ZAP70: variants seen among roughly 807,000 people sequenced by gnomAD.
ZAP70 encodes tyrosine-protein kinase ZAP-70.
In ZAP70, 27 loss-of-function variants were observed where a neutral mutation model predicts 65.8. The ratio of observed to expected loss-of-function variants is 0.41; its 90% confidence interval spans 0.30 to 0.57. The LOEUF is 0.57. Among genes scored for constraint, ZAP70 ranks in the 20% least tolerant of loss-of-function variants. The pLI, the probability that ZAP70 is intolerant of heterozygous loss-of-function variation, is 0.28. For missense variants in ZAP70, 696 were observed against 870.5 expected, an observed-to-expected ratio of 0.80 and a Z score of 2.52; for synonymous variants, 363 against 360.8, an observed-to-expected ratio of 1.01 and a Z score of -0.07.
Position 97,731,816 on chromosome 2 carries a change from G to A in ZAP70, c.564-1067G>A, listed in dbSNP as rs192093647. Among the ~76,000 whole-genome samples the A allele has an allele frequency of 1.5e-3, 235 of 152,326 alleles. 1 individual carries two copies. Among genetic ancestry groups the A allele is most frequent in the African/African-American group, 5.3e-3 (222 of 41,564 alleles). On this transcript the variant is annotated intron_variant, in intron 4 of 13. Transcript: ENST00000264972. The surrounding 1 kb of genome is among the most constrained non-coding windows in gnomAD (Gnocchi z 4.0). Reference sequence around the variant, plus strand: ...ATTTGCACCTTGGAGGGTGCAGCTCGCAGGCCATCACAAGGGCTCTTCTGT... The same window carrying A: ...ATTTGCACCTTGGAGGGTGCAGCTCACAGGCCATCACAAGGGCTCTTCTGT...
chr2:97,724,154 C>A lies in ZAP70; in HGVS notation c.118C>A (p.Leu40Met). ...CGGGCTCTTCCTGCTGCGCCAGTGC[C>A]TGCGCTCGCTGGGCGGCTATGTGCT... ...ADGLFLLRQCLRSLGGYVLSL... is the reference protein window; with the variant it reads ...ADGLFLLRQCMRSLGGYVLSL... The change falls in exon 3 of 14, where the codon CTG becomes ATG. Residue 40 changes from leucine to methionine, a missense_variant. Physicochemically the swap from Leu to Met is conservative, Grantham distance 15. Transcript: ENST00000264972. 1 of 1,579,014 alleles carries A rather than the reference C, an allele frequency of 6.3e-7. No individual in the cohort carries two copies. The highest frequency in any genetic ancestry group is 8.6e-7 in the Non-Finnish European group (1 of 1,163,812).
chr2:97,752,268 G>C, the ZAP70 span, among the ~76,000 whole-genome samples: 1 of 152,186 alleles, frequency 6.6e-6, no homozygotes, highest in Non-Finnish European at 1.5e-5. Flanking sequence ...TTCATTCACA[G>C]GGGGATGTTT....
At chr2:97,732,447 G>C (rs1322786526) in intron 4 of ZAP70, among the ~76,000 whole-genome samples, 1 of 152,202 alleles carries the variant, frequency 6.6e-6, no homozygotes, top group Non-Finnish European at 1.5e-5. Context: ...TTGGCTGACT[G>C]TATGGCCGAG....
At chr2:97,720,421 G>T (rs943303141) in intron 2 of ZAP70, among the ~76,000 whole-genome samples, 2 of 152,114 alleles carry the variant, frequency 1.3e-5, no homozygotes, top group African/African-American at 2.4e-5. Context: ...ATAGAGACGG[G>T]GTTTCACCAT....
In ZAP70 at chr2:97,721,983, C is replaced by T. The variant is rs1677180205; in HGVS notation, c.-21-2033C>T. Among the ~76,000 whole-genome samples, 3 of 152,200 alleles carry T rather than the reference C, an allele frequency of 2.0e-5. No homozygotes were observed. The South Asian group carries it at 6.2e-4, about 32-fold the overall frequency. On this transcript the variant is annotated intron_variant, in intron 2 of 13. Transcript: ENST00000264972. ...TATTTTTAGTAGAGACGGGGTTTCA[C>T]TGTGTTGGCCAAGATGGTCTCGAAT...
chr2:97,749,550 G>A, the ZAP70 span, among the ~76,000 whole-genome samples: 1 of 152,202 alleles, frequency 6.6e-6, no homozygotes, highest in African/African-American at 2.4e-5. Flanking sequence ...TTCTGCAGAA[G>A]CGGGAGGGGA....
chr2:97,716,847 G>A (rs35065263), intron 2 of ZAP70, among the ~76,000 whole-genome samples: 20,850 of 152,170 alleles, frequency 0.14, 1,732 homozygotes, highest in Middle Eastern at 0.28. Context: ...ACGGGGGCCA[G>A]CAAGTCTCAC....
At chr2:97,735,116 G>T in intron 9 of ZAP70, 134 bp from the exon 10 acceptor site, 1 of 1,086,270 alleles carries the variant, frequency 9.2e-7, no homozygotes. Context: ...TGAGCGCCTT[G>T]GTCCCAGCCT....
At position 97,725,228 on chromosome 2, in the gene ZAP70, G is replaced by C; in HGVS notation, c.539G>C (p.Gly180Ala). Residue 180 changes from glycine to alanine, a missense_variant, in exon 4 of 14, where the codon GGG becomes GCG. By Grantham distance (60) the Gly-to-Ala change is moderately conservative. This residue lies in a region of ZAP70 where 551 missense variants were observed against 630.0 expected (regional missense o/e 0.87). Coordinates refer to ENST00000264972, the MANE Select transcript of ZAP70 (RefSeq NM_001079.4). ...REEAERKLYS[G>A]AQTDGKFLLR... The stretch of plus-strand genomic sequence containing the variant: ...GAGGCCGAGCGCAAACTTTACTCTG[G>C]GGCGCAGACCGACGGCAAGTTCCTG... 6.2e-7 allele frequency: 1 copy of C among 1,613,858 alleles called. No homozygotes were observed. Among genetic ancestry groups the C allele is most frequent in the Non-Finnish European group, 8.5e-7 (1 of 1,179,730 alleles).
chr2:97,734,307 C>A, intron 8 of ZAP70: 1 of 1,376,844 alleles, frequency 7.3e-7, no homozygotes, highest in Non-Finnish European at 9.5e-7. Context: ...AGAGTCCACC[C>A]TCATGTGGCT....
chr2:97,714,411 C>T (rs1221811413), intron 2 of ZAP70, among the ~76,000 whole-genome samples: 1 of 152,220 alleles, frequency 6.6e-6, no homozygotes, highest in Non-Finnish European at 1.5e-5. Flanking sequence ...GAGTCCAGGG[C>T]AGGCTTGAGC....
intron 4 of ZAP70, 56 bp from the exon 5 acceptor site, chr2:97,732,827 C>T: frequency 6.2e-7 from 1 of 1,610,356 alleles, no homozygotes; most frequent in Non-Finnish European, 8.5e-7. Context: ...AACCGGGGCA[C>T]AGCAGGAGGC....
the ZAP70 span, among the ~76,000 whole-genome samples, chr2:97,746,568 C>G: frequency 1.3e-5 from 2 of 152,180 alleles, no homozygotes; most frequent in African/African-American, 2.4e-5. Flanking sequence ...GTGACACACC[C>G]GGACAGGAGT....
Position 97,737,724 on chromosome 2 carries a change from A to AC in ZAP70, c.1483-29dup. The AC allele has an allele frequency of 1.2e-6, 2 of 1,613,830 alleles. No individual in the cohort carries two copies. The highest frequency in any genetic ancestry group is 1.7e-6 in the Non-Finnish European group (2 of 1,179,930). On this transcript the variant is annotated intron_variant, in intron 11 of 13. Coordinates refer to ENST00000264972, the MANE Select transcript of ZAP70 (RefSeq NM_001079.4). The surrounding 1 kb of genome is among the most constrained non-coding windows in gnomAD (Gnocchi z 5.0). ...GGGCTGGGTGGGTAGAGGGTCCCTG[A>AC]CCCCTGATCCAGCAGCATCTCCCCC...
chr2:97,732,296 G>T (rs1677642844), intron 4 of ZAP70, among the ~76,000 whole-genome samples: 1 of 152,174 alleles, frequency 6.6e-6, no homozygotes, highest in Admixed American at 6.5e-5. Flanking sequence ...TTTGCACAGG[G>T]GTGCCCTGTA....
rs74495591 is a variant in ZAP70, at chr2:97,723,318, G to A, written c.-21-698G>A. Among the ~76,000 whole-genome samples, 255 of 152,382 alleles carry A rather than the reference G, an allele frequency of 1.7e-3. 6 individuals carry two copies. The East Asian group carries it at 0.044, about 26-fold the overall frequency. On this transcript the variant is annotated intron_variant, in intron 2 of 13. Coordinates refer to ENST00000264972, the MANE Select transcript of ZAP70 (RefSeq NM_001079.4). ...TGCTAAGGCCGAGGGGAAAGGGTCA[G>A]CGGAAGGGACAAGGGAGGCTGAGGG...
intron 8 of ZAP70, 85 bp from the exon 9 acceptor site, chr2:97,734,435 G>A: frequency 1.3e-6 from 2 of 1,498,104 alleles, no homozygotes; most frequent in South Asian, 2.6e-5. Flanking sequence ...ACCCTTGTCT[G>A]GGGCAGGTGC....
chr2:97,733,132 A>G lies in ZAP70; in HGVS notation c.710A>G (p.Glu237Gly), dbSNP rs2104688206. ...TKFDTLWQLV[E>G]YLKLKADGLI... Reference sequence around the variant, plus strand: ...GCTGCCTGCTCCCTGCAGCTGGTGGAGTATCTGAAGCTGAAGGCGGACGGG... The same window carrying G: ...GCTGCCTGCTCCCTGCAGCTGGTGGGGTATCTGAAGCTGAAGGCGGACGGG... Residue 237 changes from glutamate to glycine, a missense_variant, in exon 6 of 14, where the codon GAG becomes GGG. Glu to Gly is a moderately conservative substitution (Grantham distance 98, BLOSUM62 -2). This residue lies in a region of ZAP70 where 551 missense variants were observed against 630.0 expected (regional missense o/e 0.87). Transcript: ENST00000264972. 6.2e-7 allele frequency: 1 copy of G among 1,613,940 alleles called. No individual in the cohort carries two copies. The highest frequency in any genetic ancestry group is 8.5e-7 in the Non-Finnish European group (1 of 1,180,010).
At chr2:97,750,035 C>T in the ZAP70 span, among the ~76,000 whole-genome samples, 1 of 152,220 alleles carries the variant, frequency 6.6e-6, no homozygotes, top group Non-Finnish European at 1.5e-5. Context: ...TTTATTTGGC[C>T]TCATGTTTCA....
Sources: allele counts gnomAD v4.1 joint callset (sites outside exome capture counted in the v4.1 genomes callset), GRCh38; gene constraint gnomAD v4.1.1; regional missense constraint gnomAD v4.1.1; non-coding constraint Gnocchi (gnomAD v3.1); transcripts MANE v1.5; gene names NCBI Gene and HGNC (gene_info 2026-07-23, HGNC 2026-07-21).